Variants in KLHL29 observed in about 807,000 individuals in gnomAD.
KLHL29 encodes kelch-like protein 29.
In KLHL29, 21 loss-of-function variants were observed where a neutral mutation model predicts 80.4. The observed-to-expected ratio is 0.26, with a 90% CI of 0.19 to 0.38. The LOEUF is 0.38. KLHL29 is among the 10% of genes least tolerant of loss of function. The probability of loss-of-function intolerance (pLI) is 1.00; values close to 1 mark genes in which losing one functional copy is unlikely to be tolerated. For missense variants in KLHL29, 867 were observed against 1,223.9 expected, an observed-to-expected ratio of 0.71 and a Z score of 4.35; for synonymous variants, 511 against 526.8, an observed-to-expected ratio of 0.97 and a Z score of 0.41.
chr2:23,650,295 G>C (rs1670054797), intron 5 of KLHL29, among the ~76,000 whole-genome samples: 1 of 152,230 alleles, frequency 6.6e-6, no homozygotes, highest in Admixed American at 6.5e-5. Flanking sequence ...AAGAATGCTG[G>C]AGGGAAGTGC....
chr2:23,509,715 G>C (rs1665712946), intron 2 of KLHL29, among the ~76,000 whole-genome samples: 1 of 152,112 alleles, frequency 6.6e-6, no homozygotes, highest in Non-Finnish European at 1.5e-5. Flanking sequence ...TAAAACTCGA[G>C]TAATCCTACA....
At chr2:23,629,123 T>C (rs1266652463) in intron 3 of KLHL29, among the ~76,000 whole-genome samples, 2 of 152,122 alleles carry the variant, frequency 1.3e-5, no homozygotes, top group African/African-American at 4.8e-5. Flanking sequence ...AACGCGGCTG[T>C]TGGGGGAGCG....
chr2:23,649,946 C>T (rs1190503595), intron 5 of KLHL29, among the ~76,000 whole-genome samples: 1 of 152,200 alleles, frequency 6.6e-6, no homozygotes, highest in African/African-American at 2.4e-5. Context: ...ATGTCCCCTC[C>T]CTCCCTGCTG....
intron 5 of KLHL29, among the ~76,000 whole-genome samples, chr2:23,659,673 C>G (rs1160216088): frequency 2.6e-5 from 4 of 152,058 alleles, no homozygotes; most frequent in African/African-American, 9.7e-5. Flanking sequence ...AGAGGAGGTG[C>G]CCTCACTCAT....
chr2:23,531,296 T>C (rs1666482944), intron 2 of KLHL29, among the ~76,000 whole-genome samples: 1 of 152,230 alleles, frequency 6.6e-6, no homozygotes, highest in Non-Finnish European at 1.5e-5. Flanking sequence ...TCTTGTTGCC[T>C]GGGACGTTTC....
intron 3 of KLHL29, among the ~76,000 whole-genome samples, chr2:23,576,264 C>T (rs1667839464): frequency 6.8e-6 from 1 of 146,114 alleles, no homozygotes; most frequent in African/African-American, 2.6e-5. Context: ...AAGATAGCAC[C>T]ATTGCACTCC....
chr2:23,580,862 T>C (rs1369722105), intron 3 of KLHL29, among the ~76,000 whole-genome samples: 11 of 127,256 alleles, frequency 8.6e-5, no homozygotes, highest in Non-Finnish European at 8.8e-5. Context: ...CCTGTAGTCC[T>C]AGCTACTCAG....
chr2:23,498,471 C>T (rs548608604), intron 2 of KLHL29, among the ~76,000 whole-genome samples: 1 of 152,328 alleles, frequency 6.6e-6, no homozygotes, highest in East Asian at 1.9e-4. Flanking sequence ...CCCTGCCCTC[C>T]CTGCCAAGCA....
rs895170299 is a variant in KLHL29, at chr2:23,642,847, A to G, written c.937A>G (p.Arg313Gly). The G allele has an allele frequency of 6.5e-7, 1 of 1,550,212 alleles. No homozygotes were observed. The highest frequency in any genetic ancestry group is 2.0e-5 in the Admixed American group (1 of 50,980). The part of the protein sequence containing the change: ...KYEFTDPGHP[R>G]EMLKELNQQR... ...TGAGTTCACCGACCCGGGGCACCCC[A>G]GAGGTAAGTCCTGCTGCCACGTGCC... is the stretch of plus-strand genomic sequence containing the variant. The change falls in exon 5 of 14, where the codon AGA becomes GGA. Residue 313 changes from arginine to glycine, a missense_variant. Physicochemically the swap from Arg to Gly is moderately radical, Grantham distance 125. Around this residue, in one of 2 missense-constraint regions of KLHL29, gnomAD observed 424 missense variants for 456.9 expected, o/e 0.93. Transcript: ENST00000486442.
chr2:23,557,523 A>C (rs1397815141), intron 2 of KLHL29, among the ~76,000 whole-genome samples: 1 of 151,992 alleles, frequency 6.6e-6, no homozygotes, highest in Non-Finnish European at 1.5e-5. Flanking sequence ...GGAGCTGAGC[A>C]TCAGGGTGGG....
chr2:23,466,259 C>T (rs540900386), intron 1 of KLHL29, among the ~76,000 whole-genome samples: 3 of 152,236 alleles, frequency 2.0e-5, no homozygotes, highest in Admixed American at 1.3e-4. Flanking sequence ...ACAGAGAGAA[C>T]CACATCAACT....
intron 1 of KLHL29, among the ~76,000 whole-genome samples, chr2:23,458,050 G>A (rs1222430293): frequency 3.9e-5 from 6 of 152,114 alleles, no homozygotes; most frequent in Non-Finnish European, 8.8e-5. Flanking sequence ...ACGTAAGGAT[G>A]CCTGCTCCTG....
At position 23,483,042 on chromosome 2, in the gene KLHL29, G is replaced by A. The variant is rs944740536; in HGVS notation, c.-46+7375G>A. On this transcript the variant is annotated intron_variant, in intron 2 of 13. Coordinates refer to ENST00000486442, the MANE Select transcript of KLHL29 (RefSeq NM_052920.2). ...ATGTGGCAAATATGTGATAAATGCAGCAAAAAGAATGTATACCAAGTGCTA... is the reference window on the plus strand; with the variant it reads ...ATGTGGCAAATATGTGATAAATGCAACAAAAAGAATGTATACCAAGTGCTA... Among the ~76,000 whole-genome samples, 8 of 152,302 alleles carry A rather than the reference G, an allele frequency of 5.3e-5. No homozygotes were observed. The East Asian group carries it at 1.5e-3, about 29-fold the overall frequency.
At chr2:23,490,122 G>A (rs1665053810) in intron 2 of KLHL29, among the ~76,000 whole-genome samples, 1 of 152,248 alleles carries the variant, frequency 6.6e-6, no homozygotes, top group African/African-American at 2.4e-5. Flanking sequence ...ACATTCTCTG[G>A]AGGATTCTTT....
intron 1 of KLHL29, among the ~76,000 whole-genome samples, chr2:23,450,450 G>A (rs11890726): frequency 0.15 from 22,211 of 152,028 alleles, 2,771 homozygotes; most frequent in African/African-American, 0.32. Flanking sequence ...AGCCAAGGTC[G>A]TCCATGCAGC....
chr2:23,440,542 A>G (rs1295014584), intron 1 of KLHL29, among the ~76,000 whole-genome samples: 8 of 152,138 alleles, frequency 5.3e-5, no homozygotes, highest in Admixed American at 2.6e-4. Flanking sequence ...TGAACAGGCA[A>G]CCTACAAAAT....
intron 2 of KLHL29, chr2:23,524,224 C>T (rs1343408817): frequency 2.0e-5 from 6 of 301,706 alleles, no homozygotes; most frequent in African/African-American, 4.3e-5. Flanking sequence ...CCCAAGTGCC[C>T]GGCTCCTCAT....
chr2:23,457,005 G>T lies in KLHL29; in HGVS notation c.-153-18555G>T, dbSNP rs577279342. ...TGGCTACATGGAAGGGAGCAGGGTG[G>T]CGGCATCTCAGGTGTCAGGGCCGGA... On this transcript the variant is annotated intron_variant, in intron 1 of 13. Transcript: ENST00000486442. The surrounding 1 kb of genome is among the most constrained non-coding windows in gnomAD (Gnocchi z 4.3). 2.6e-5 allele frequency among the ~76,000 whole-genome samples: 4 copies of T among 152,348 alleles called. No individual in the cohort carries two copies. Among genetic ancestry groups the T allele is most frequent in the Non-Finnish European group, 5.9e-5 (4 of 68,032 alleles).
chr2:23,400,052 C>A (rs1666549723), intron 1 of KLHL29, among the ~76,000 whole-genome samples: 2 of 152,166 alleles, frequency 1.3e-5, no homozygotes, highest in South Asian at 4.1e-4. Flanking sequence ...GCAGAGTGAG[C>A]TTGCCACACT....
Sources: allele counts gnomAD v4.1 joint callset (sites outside exome capture counted in the v4.1 genomes callset), GRCh38; gene constraint gnomAD v4.1.1; regional missense constraint gnomAD v4.1.1; non-coding constraint Gnocchi (gnomAD v3.1); transcripts MANE v1.5; gene names NCBI Gene and HGNC (gene_info 2026-07-23, HGNC 2026-07-21).